Variants in DOCK1 observed in about 807,000 individuals in gnomAD.
DOCK1 encodes the protein dedicator of cytokinesis 1, also known as dedicator of cytokinesis protein 1.
DOCK1 carries 138 observed loss-of-function variants against 262.7 expected under a neutral mutation model. The ratio of observed to expected loss-of-function variants is 0.53; its 90% CI spans 0.46 to 0.61. The LOEUF (loss-of-function observed/expected upper bound fraction) is 0.61, where lower values mean the gene tolerates loss of function less well. DOCK1 is among the 20% of genes least tolerant of loss of function. The pLI, the probability that DOCK1 is intolerant of heterozygous loss-of-function variation, is 0.00. For missense variants in DOCK1, 1,908 were observed against 2,370.7 expected, an observed-to-expected ratio of 0.80 and a Z score of 4.05; for synonymous variants, 866 against 867.4, an observed-to-expected ratio of 1.00 and a Z score of 0.03.
At chr10:127,322,780 G>C (rs533125002) in intron 29 of DOCK1, among the ~76,000 whole-genome samples, 1 of 152,360 alleles carries the variant, frequency 6.6e-6, no homozygotes, top group Admixed American at 6.5e-5. Context: ...GTCTATTAGT[G>C]AATGCAGAAG....
At chr10:127,063,835 T>C (rs1045388296) in intron 23 of DOCK1, among the ~76,000 whole-genome samples, 1 of 152,192 alleles carries the variant, frequency 6.6e-6, no homozygotes, top group Non-Finnish European at 1.5e-5. Flanking sequence ...AAGACCATGC[T>C]TCAGTGGGTG....
chr10:127,391,466 A>C (rs2066474213), intron 38 of DOCK1, among the ~76,000 whole-genome samples: 1 of 152,216 alleles, frequency 6.6e-6, no homozygotes, highest in African/African-American at 2.4e-5. Context: ...CTATTTTATT[A>C]TTAAAATTTA....
intron 23 of DOCK1, among the ~76,000 whole-genome samples, chr10:127,101,904 G>A (rs927134036): frequency 6.6e-6 from 1 of 152,218 alleles, no homozygotes; most frequent in Admixed American, 6.5e-5. Context: ...CTGTGTGAAC[G>A]CTGGCTATTA....
intron 16 of DOCK1, among the ~76,000 whole-genome samples, chr10:127,027,784 G>C (rs371904318): frequency 5.9e-5 from 9 of 152,100 alleles, no homozygotes; most frequent in Admixed American, 1.3e-4. Flanking sequence ...CCCTCCATGT[G>C]GGGTGGGTGT....
At chr10:127,009,218 G>A (rs115783577) in intron 11 of DOCK1, among the ~76,000 whole-genome samples, 626 of 152,132 alleles carry the variant, frequency 4.1e-3, no homozygotes, top group African/African-American at 0.015. Flanking sequence ...ATTTTAAAGC[G>A]AGAAATAATG....
chr10:126,939,009 G>T (rs914885863), intron 1 of DOCK1, among the ~76,000 whole-genome samples: 24 of 121,838 alleles, frequency 2.0e-4, no homozygotes, highest in Middle Eastern at 0.011. Flanking sequence ...GACGAACACC[G>T]GAGGGGATGA....
chr10:127,386,283 T>G (rs190747897), intron 38 of DOCK1, among the ~76,000 whole-genome samples: 3 of 152,294 alleles, frequency 2.0e-5, no homozygotes, highest in East Asian at 1.9e-4. Flanking sequence ...GGATTGGAAA[T>G]GTTCTGTGAA....
At chr10:127,362,977 A>G in intron 33 of DOCK1, among the ~76,000 whole-genome samples, 1 of 137,050 alleles carries the variant, frequency 7.3e-6, no homozygotes, top group African/African-American at 3.1e-5. Context: ...ATACACATAC[A>G]CATACACATC....
intron 32 of DOCK1, among the ~76,000 whole-genome samples, chr10:127,360,356 A>G (rs1311847220): frequency 1.4e-5 from 2 of 144,886 alleles, no homozygotes; most frequent in African/African-American, 5.2e-5. Flanking sequence ...GCCAACCCAC[A>G]ACTAGCAGGA....
intron 27 of DOCK1, among the ~76,000 whole-genome samples, chr10:127,170,643 C>T (rs2054488100): frequency 6.6e-6 from 1 of 152,160 alleles, no homozygotes; most frequent in African/African-American, 2.4e-5. Flanking sequence ...AGACCTACAC[C>T]CCATTGGTCT....
intron 51 of DOCK1, among the ~76,000 whole-genome samples, chr10:127,450,947 C>T (rs548331137): frequency 6.6e-6 from 1 of 152,210 alleles, no homozygotes; most frequent in Non-Finnish European, 1.5e-5. Context: ...AACCTTTGCC[C>T]GAAGCTCAGA....
intron 1 of DOCK1, among the ~76,000 whole-genome samples, chr10:126,961,055 TCCAACCAAAAG>T (rs2037178995): frequency 1.3e-5 from 2 of 152,112 alleles, no homozygotes; most frequent in Non-Finnish European, 2.9e-5. Flanking sequence ...CCCACCTGTT[TCCAACCAAAAG>T]CCAAAAAGAA....
intron 48 of DOCK1, among the ~76,000 whole-genome samples, chr10:127,435,321 GC>G (rs1446703406): frequency 6.6e-6 from 1 of 152,104 alleles, no homozygotes; most frequent in African/African-American, 2.4e-5. Context: ...CAGGCATCTG[GC>G]CCCCTCAACA....
Position 127,407,142 on chromosome 10 carries a change from C to T in DOCK1, c.4123-1895C>T, listed in dbSNP as rs187662025. Reference sequence around the variant, plus strand: ...ATTCTTAAACTGGTTCTTTTTTTAGCGATTTAGGAGAACTCAGAATAAGCT... The same window carrying T: ...ATTCTTAAACTGGTTCTTTTTTTAGTGATTTAGGAGAACTCAGAATAAGCT... On this transcript the variant is annotated intron_variant, in intron 40 of 51. Coordinates refer to ENST00000623213, the MANE Select transcript of DOCK1 (RefSeq NM_001290223.2). Among the ~76,000 whole-genome samples the T allele has an allele frequency of 2.7e-4, 41 of 151,864 alleles. 1 individual carries two copies. Among genetic ancestry groups the T allele is most frequent in the Admixed American group, 1.5e-3 (23 of 15,254 alleles).
chr10:126,921,088 T>G (rs1347583120), intron 1 of DOCK1, among the ~76,000 whole-genome samples: 2 of 151,506 alleles, frequency 1.3e-5, no homozygotes, highest in Non-Finnish European at 2.9e-5. Flanking sequence ...TAATACCAGC[T>G]ACTGGGGAGG....
Position 127,012,078 on chromosome 10 carries a change from C to G in DOCK1, c.1059-154C>G, listed in dbSNP as rs747341747. 6.6e-6 allele frequency among the ~76,000 whole-genome samples: 1 copy of G among 152,150 alleles called. No homozygotes were observed. Among genetic ancestry groups the G allele is most frequent in the African/African-American group, 2.4e-5 (1 of 41,442 alleles). On this transcript the variant is annotated intron_variant, in intron 11 of 51. Transcript: ENST00000623213. This position sits in a 1 kb window ranked among gnomAD's most constrained non-coding sequence, Gnocchi z 4.0. ...CTGATCAATGCTTTTCCCTGTTTCTCTTGTCACCTCTCCCATCCTTTGTCG... is the reference window on the plus strand; with the variant it reads ...CTGATCAATGCTTTTCCCTGTTTCTGTTGTCACCTCTCCCATCCTTTGTCG...
intron 31 of DOCK1, among the ~76,000 whole-genome samples, chr10:127,352,833 T>C (rs2063950181): frequency 6.6e-6 from 1 of 152,108 alleles, no homozygotes; most frequent in East Asian, 1.9e-4. Context: ...CCTCAGGTGA[T>C]CCACCTGCCT....
chr10:126,917,836 G>C (rs189743336), intron 1 of DOCK1, among the ~76,000 whole-genome samples: 2 of 152,196 alleles, frequency 1.3e-5, no homozygotes, highest in East Asian at 3.9e-4. Context: ...AAGAGGTCAG[G>C]GTCGAGGACA....
chr10:127,433,300 T>C lies in DOCK1; in HGVS notation c.4932T>C (p.Asp1644=), dbSNP rs763732607. 9.9e-6 allele frequency: 16 copies of C among 1,613,900 alleles called. No individual in the cohort carries two copies. The highest frequency in any genetic ancestry group is 5.5e-5 in the South Asian group (5 of 91,088). Residue 1644 remains aspartate (D), a synonymous_variant, in exon 48 of 52, where the codon GAT becomes GAC. Coordinates refer to ENST00000623213, the MANE Select transcript of DOCK1 (RefSeq NM_001290223.2). ...GVRIMPSSLD[D]RRGSRPRSMV... Reference sequence around the variant, plus strand: ...GCTCTCAGCCCTCAAGTCTGGATGATAGAAGAGGCAGCCGCCCCCGGTCCA... The same window carrying C: ...GCTCTCAGCCCTCAAGTCTGGATGACAGAAGAGGCAGCCGCCCCCGGTCCA...
Sources: allele counts gnomAD v4.1 joint callset (sites outside exome capture counted in the v4.1 genomes callset), GRCh38; gene constraint gnomAD v4.1.1; non-coding constraint Gnocchi (gnomAD v3.1); transcripts MANE v1.5; gene names NCBI Gene and HGNC (gene_info 2026-07-23, HGNC 2026-07-21).